CHST9: variants seen among roughly 807,000 people sequenced by gnomAD.
CHST9 encodes the protein carbohydrate sulfotransferase 9.
A neutral mutation model predicts 44.4 loss-of-function variants in CHST9; 41 were observed. That is an observed-to-expected ratio of 0.92 (90% CI 0.72 to 1.20). The LOEUF is 1.20. Ranked by LOEUF, CHST9 falls within the 50% of genes most tolerant of loss-of-function variation. CHST9 has a pLI of 0.00. For missense variants in CHST9, 504 were observed against 516.5 expected (o/e 0.98, Z 0.23); for synonymous variants, 171 against 178.4 (o/e 0.96, Z 0.33).
chr18:27,008,064 G>A (rs2057038633), intron 4 of CHST9, among the ~76,000 whole-genome samples: 1 of 152,186 alleles, frequency 6.6e-6, no homozygotes, highest in Non-Finnish European at 1.5e-5. Flanking sequence ...AGGACACGGA[G>A]AGACAGGACC....
chr18:27,007,489 C>G (rs2057030807), intron 4 of CHST9, among the ~76,000 whole-genome samples: 1 of 152,008 alleles, frequency 6.6e-6, no homozygotes. Context: ...TGAAGATAAG[C>G]AAGTGAAGAA....
intron 4 of CHST9, among the ~76,000 whole-genome samples, chr18:27,023,205 TGTAAA>T (rs1239598908): frequency 2.6e-5 from 4 of 152,204 alleles, no homozygotes; most frequent in Non-Finnish European, 5.9e-5. Flanking sequence ...ATTTTTTTCT[TGTAAA>T]GTAAACATAC....
At chr18:27,042,127 T>C (rs2057452344) in intron 3 of CHST9, among the ~76,000 whole-genome samples, 1 of 152,148 alleles carries the variant, frequency 6.6e-6, no homozygotes, top group African/African-American at 2.4e-5. Context: ...ACTTTGTTTA[T>C]ACCAACCTGG....
intron 4 of CHST9, among the ~76,000 whole-genome samples, chr18:27,013,030 G>T (rs1042450521): frequency 2.2e-4 from 33 of 152,176 alleles, no homozygotes; most frequent in African/African-American, 7.5e-4. Flanking sequence ...TCAAACTGGT[G>T]CAGTGGAGTC....
chr18:26,927,262 A>C (rs1453689213), intron 5 of CHST9, among the ~76,000 whole-genome samples: 1 of 152,102 alleles, frequency 6.6e-6, no homozygotes, highest in Non-Finnish European at 1.5e-5. Flanking sequence ...TTGGCAAGAA[A>C]AAGATTTTCA....
chr18:26,972,357 CAAAAAAA>C (rs887066938), intron 4 of CHST9, among the ~76,000 whole-genome samples: 709 of 65,260 alleles, frequency 0.011, 6 homozygotes, highest in African/African-American at 0.032. Flanking sequence ...ACTCCAACTC[CAAAAAAA>C]AAAAAAAAAA....
At chr18:27,120,807 C>T (rs755058743) in intron 2 of CHST9, among the ~76,000 whole-genome samples, 4 of 152,132 alleles carry the variant, frequency 2.6e-5, no homozygotes, top group Non-Finnish European at 4.4e-5. Flanking sequence ...GGAAACTCAG[C>T]CACTGAAGGA....
intron 2 of CHST9, among the ~76,000 whole-genome samples, chr18:27,137,344 GTGTGTGTGTGTA>G (rs1244875390): frequency 1.0e-4 from 11 of 109,044 alleles, no homozygotes; most frequent in African/African-American, 3.3e-4. Flanking sequence ...GTGTGTGTGT[GTGTGTGTGTGTA>G]TAGAGAGAGA....
chr18:27,166,383 A>G (rs921624701), intron 1 of CHST9, among the ~76,000 whole-genome samples: 2 of 152,120 alleles, frequency 1.3e-5, no homozygotes, highest in Non-Finnish European at 2.9e-5. Flanking sequence ...CAGCAAAACT[A>G]AACTATTTAA....
chr18:27,068,264 T>C (rs1469088971), intron 2 of CHST9, among the ~76,000 whole-genome samples: 1 of 152,212 alleles, frequency 6.6e-6, no homozygotes, highest in Non-Finnish European at 1.5e-5. Flanking sequence ...TTTTTACTTA[T>C]ACCATATGTC....
intron 2 of CHST9, among the ~76,000 whole-genome samples, chr18:27,131,973 T>C (rs186027449): frequency 3.9e-5 from 6 of 152,286 alleles, no homozygotes; most frequent in Admixed American, 3.9e-4. Context: ...ATGTATACCT[T>C]TCATGTATTA....
intron 1 of CHST9, among the ~76,000 whole-genome samples, chr18:27,158,989 T>A (rs1349897362): frequency 3.3e-5 from 5 of 152,222 alleles, no homozygotes; most frequent in African/African-American, 1.2e-4. Flanking sequence ...GTTTGAGTTC[T>A]TTGTAGATTC....
chr18:27,039,306 A>G (rs2057420798), intron 3 of CHST9, among the ~76,000 whole-genome samples: 2 of 152,202 alleles, frequency 1.3e-5, no homozygotes, highest in East Asian at 3.8e-4. Flanking sequence ...AATAAAATGC[A>G]ATATATACAT....
intron 3 of CHST9, among the ~76,000 whole-genome samples, chr18:27,046,049 G>T (rs2057496274): frequency 6.6e-6 from 1 of 152,012 alleles, no homozygotes; most frequent in African/African-American, 2.4e-5. Context: ...AGTGAAAATG[G>T]CAATAGAATC....
intron 2 of CHST9, among the ~76,000 whole-genome samples, chr18:27,056,198 G>A (rs892215694): frequency 6.6e-6 from 1 of 151,828 alleles, no homozygotes; most frequent in East Asian, 1.9e-4. Context: ...TTTTTATCAG[G>A]TAAGTATTTA....
chr18:27,065,584 CTTT>C (rs56023514), intron 2 of CHST9, among the ~76,000 whole-genome samples: 7 of 128,710 alleles, frequency 5.4e-5, no homozygotes, highest in Non-Finnish European at 4.9e-5. Flanking sequence ...TCGTTCACTG[CTTT>C]TTTTTTTTTT....
intron 4 of CHST9, among the ~76,000 whole-genome samples, chr18:26,983,032 G>A (rs1470222324): frequency 6.6e-6 from 1 of 152,108 alleles, no homozygotes; most frequent in African/African-American, 2.4e-5. Context: ...AGGAGAGGGA[G>A]GATCTGACCT....
chr18:27,158,153 T>C (rs2058712748), intron 1 of CHST9, among the ~76,000 whole-genome samples: 2 of 152,176 alleles, frequency 1.3e-5, no homozygotes, highest in South Asian at 4.1e-4. Context: ...ATGCACAACG[T>C]GCAGGTTAGT....
chr18:26,973,092 G>T (rs1327604837), intron 4 of CHST9, among the ~76,000 whole-genome samples: 1 of 152,100 alleles, frequency 6.6e-6, no homozygotes, highest in Admixed American at 6.5e-5. Context: ...AATGTCTCCC[G>T]TTGGAGAGGC....
Sources: gnomAD v4.1 joint callset for allele counts (sites outside exome capture counted in the v4.1 genomes callset) on GRCh38, gnomAD v4.1.1 for gene constraint, MANE v1.5 for transcripts, NCBI Gene and HGNC (gene_info 2026-07-23, HGNC 2026-07-21) for gene names.